The following FAM135A variants were observed in gnomAD, a reference collection of about 807,000 sequenced individuals.
FAM135A encodes the protein family with sequence similarity 135 member A.
FAM135A carries 79 observed loss-of-function variants against 146.8 expected under a neutral mutation model. The ratio of observed to expected loss-of-function variants is 0.54; its 90% confidence interval spans 0.45 to 0.65. The LOEUF (loss-of-function observed/expected upper bound fraction) is 0.65. FAM135A is among the 30% of genes least tolerant of loss of function. FAM135A has a pLI of 0.00. For synonymous variants in FAM135A, 562 were observed against 603.6 expected (o/e 0.93, Z 1.01); for missense variants, 1,623 against 1,758.2 (o/e 0.92, Z 1.38).
chr6:70,547,573 A>T (rs1363582683), intron 20 of FAM135A, among the ~76,000 whole-genome samples: 1 of 152,162 alleles, frequency 6.6e-6, no homozygotes, highest in Non-Finnish European at 1.5e-5. Flanking sequence ...ATATCTTCAG[A>T]TGCTGCAGAA....
chr6:70,536,643 AT>A (rs893818532), intron 19 of FAM135A, among the ~76,000 whole-genome samples: 34 of 152,186 alleles, frequency 2.2e-4, no homozygotes, highest in African/African-American at 6.0e-4. Context: ...TCACAAGAGC[AT>A]TTTTTTCTTT....
Position 70,423,875 on chromosome 6 carries a change from T to C in FAM135A, c.-133-2564T>C, listed in dbSNP as rs558355868. ...CAAGCTCACTGAGAGGCACAGTACT[T>C]TAGATCTGCAAGTCCAGTGACCTAT... On this transcript the variant is annotated intron_variant, in intron 2 of 21. Coordinates refer to ENST00000418814, the MANE Select transcript of FAM135A (RefSeq NM_001162529.3). 2.0e-5 allele frequency among the ~76,000 whole-genome samples: 3 copies of C among 152,322 alleles called. No individual in the cohort carries two copies. The South Asian group carries it at 6.2e-4, about 32-fold the overall frequency.
chr6:70,451,244 A>G (rs1238489764), intron 4 of FAM135A, among the ~76,000 whole-genome samples: 1 of 152,236 alleles, frequency 6.6e-6, no homozygotes, highest in East Asian at 1.9e-4. Flanking sequence ...GTACGCTATG[A>G]ATAAGACATG....
chr6:70,422,339 AT>A (rs1168470201), intron 2 of FAM135A, among the ~76,000 whole-genome samples: 1 of 151,934 alleles, frequency 6.6e-6, no homozygotes, highest in Admixed American at 6.6e-5. Context: ...AGTCCTCTGA[AT>A]TTTTTTTCCC....
At chr6:70,466,983 T>G (rs1378324624) in intron 5 of FAM135A, among the ~76,000 whole-genome samples, 3 of 152,202 alleles carry the variant, frequency 2.0e-5, no homozygotes, top group African/African-American at 4.8e-5. Flanking sequence ...TTCCTAGGCA[T>G]TCCCTTTGCA....
At chr6:70,551,446 A>C (rs12530057) in intron 20 of FAM135A, among the ~76,000 whole-genome samples, 19,135 of 151,988 alleles carry the variant, frequency 0.13, 1,476 homozygotes, top group Middle Eastern at 0.19. Flanking sequence ...CTATTTCTAC[A>C]AAAAATAACA....
chr6:70,507,610 C>G (rs1280178433), intron 12 of FAM135A, among the ~76,000 whole-genome samples: 1 of 151,968 alleles, frequency 6.6e-6, no homozygotes, highest in East Asian at 1.9e-4. Context: ...TATACTGGTT[C>G]AACTATATTA....
At chr6:70,551,376 G>A (rs982419125) in intron 20 of FAM135A, among the ~76,000 whole-genome samples, 6 of 152,252 alleles carry the variant, frequency 3.9e-5, no homozygotes, top group East Asian at 3.9e-4. Context: ...TTGCAAGGCC[G>A]AGGCTGGGAA....
chr6:70,480,800 AC>A (rs1264536623), intron 8 of FAM135A, 100 bp from the exon 9 acceptor site: 67 of 1,147,800 alleles, frequency 5.8e-5, no homozygotes, highest in Non-Finnish European at 7.7e-5. Context: ...AACTTGCAAA[AC>A]CCTTGCTGTT....
intron 21 of FAM135A, among the ~76,000 whole-genome samples, chr6:70,558,678 T>C (rs1801370019): frequency 6.6e-6 from 1 of 152,054 alleles, no homozygotes; most frequent in Non-Finnish European, 1.5e-5. Flanking sequence ...CTAATTAAAA[T>C]GGTGGTGCAC....
Position 70,559,585 on chromosome 6 carries a change from A to G in FAM135A, c.4343-131A>G, listed in dbSNP as rs1198749495. The G allele has an allele frequency of 2.7e-5, 18 of 672,848 alleles. No individual in the cohort carries two copies. The Admixed American group carries it at 2.8e-4, about 11-fold the overall frequency. The allele number at this position is 672,848 out of a possible 1,614,324, so 41.7% of individuals were successfully genotyped here. On this transcript the variant is annotated intron_variant, in intron 21 of 21. Transcript: ENST00000418814. ...TTGAAGGAAAATTAAACCTTTTTAA[A>G]AAGAGCCATTTTTCTGCTTTATATG...
chr6:70,516,637 G>C (rs1792316060), intron 12 of FAM135A, among the ~76,000 whole-genome samples: 2 of 142,028 alleles, frequency 1.4e-5, no homozygotes. Flanking sequence ...CTGGGTTCAC[G>C]CCATTCTCCA....
chr6:70,451,322 G>A (rs558808501), intron 4 of FAM135A, among the ~76,000 whole-genome samples: 28 of 152,148 alleles, frequency 1.8e-4, no homozygotes, highest in Admixed American at 4.6e-4. Flanking sequence ...CTTTTATATC[G>A]TATACCTGTA....
At chr6:70,418,891 G>A (rs1039877442) in intron 2 of FAM135A, among the ~76,000 whole-genome samples, 1 of 152,202 alleles carries the variant, frequency 6.6e-6, no homozygotes, top group Non-Finnish European at 1.5e-5. Context: ...ATTGTTTGCA[G>A]TTTACTGCTG....
chr6:70,515,276 G>A (rs187388919), intron 12 of FAM135A, among the ~76,000 whole-genome samples: 2 of 152,278 alleles, frequency 1.3e-5, no homozygotes, highest in Non-Finnish European at 2.9e-5. Flanking sequence ...TTACCCAAAT[G>A]AATTGAAAAT....
intron 10 of FAM135A, among the ~76,000 whole-genome samples, chr6:70,489,098 AC>A (rs1785311966): frequency 6.6e-6 from 1 of 152,130 alleles, no homozygotes; most frequent in African/African-American, 2.4e-5. Flanking sequence ...ATGTGTCACA[AC>A]TCTCAAAACC....
chr6:70,557,127 G>C (rs1582944304), intron 21 of FAM135A: 1 of 533,326 alleles, frequency 1.9e-6, no homozygotes, highest in East Asian at 2.9e-5. Flanking sequence ...GATTTCCTCT[G>C]AATTAATGGG....
At position 70,451,130 on chromosome 6, in the gene FAM135A, G is replaced by A. The variant is rs1344293605; in HGVS notation, c.78-1362G>A. Among the ~76,000 whole-genome samples the A allele has an allele frequency of 3.9e-5, 6 of 152,126 alleles. No individual in the cohort carries two copies. In the East Asian group the frequency reaches 9.7e-4, roughly 25 times the overall value. ...TTTTAGTACTGTATTTTCTATTTCTGTGAAAAATGATGCCAGATAAATGCA... is the reference window on the plus strand; with the variant it reads ...TTTTAGTACTGTATTTTCTATTTCTATGAAAAATGATGCCAGATAAATGCA... On this transcript the variant is annotated intron_variant, in intron 4 of 21. Transcript: ENST00000418814.
chr6:70,481,924 T>C, intron 9 of FAM135A, 77 bp from the exon 10 acceptor site: 1 of 1,385,160 alleles, frequency 7.2e-7, no homozygotes, highest in South Asian at 1.6e-5. Context: ...TAAGTATTTT[T>C]TCTTTATTTT....
Sources: gnomAD v4.1 joint callset for allele counts (sites outside exome capture counted in the v4.1 genomes callset) on GRCh38, gnomAD v4.1.1 for gene constraint, MANE v1.5 for transcripts, NCBI Gene and HGNC (gene_info 2026-07-23, HGNC 2026-07-21) for gene names.